Variants in ZFHX3 observed in about 807,000 individuals in gnomAD.
The protein encoded by ZFHX3 is zinc finger homeobox protein 3.
A neutral mutation model predicts 279.1 loss-of-function variants in ZFHX3; 42 were observed. The ratio of observed to expected loss-of-function variants is 0.15; its 90% CI spans 0.12 to 0.19. The LOEUF is 0.19. Among genes scored for constraint, ZFHX3 ranks in the 10% least tolerant of loss-of-function variants. The pLI is 1.00. For synonymous variants in ZFHX3, 2,293 were observed against 1,957.8 expected (o/e 1.17, Z -4.52); for missense variants, 4,981 against 4,754.0 (o/e 1.05, Z -1.40).
At chr16:73,528,070 C>G (rs2019725490) in intron 2 of ZFHX3, among the ~76,000 whole-genome samples, 1 of 152,234 alleles carries the variant, frequency 6.6e-6, no homozygotes, top group South Asian at 2.1e-4. Flanking sequence ...AACAATTCAA[C>G]TGCTCTACAT....
chr16:73,708,415 C>T (rs986505153), intron 1 of ZFHX3, among the ~76,000 whole-genome samples: 1 of 152,116 alleles, frequency 6.6e-6, no homozygotes, highest in Non-Finnish European at 1.5e-5. Context: ...TGTTGTATGA[C>T]ACAGGTTCAT....
chr16:73,818,986 C>A (rs1291035849), intron 1 of ZFHX3, among the ~76,000 whole-genome samples: 2 of 152,072 alleles, frequency 1.3e-5, no homozygotes, highest in African/African-American at 2.4e-5. Context: ...TAGATTGGTA[C>A]TTTTGTCTGG....
intron 9 of ZFHX3, among the ~76,000 whole-genome samples, chr16:72,792,458 C>T (rs990175859): frequency 1.3e-5 from 2 of 149,396 alleles, no homozygotes; most frequent in African/African-American, 2.5e-5. Flanking sequence ...TCTGGTAGTT[C>T]TTTTTTTTTT....
intron 3 of ZFHX3, among the ~76,000 whole-genome samples, chr16:72,904,414 A>G (rs1295896077): frequency 6.7e-6 from 1 of 149,082 alleles, no homozygotes; most frequent in Non-Finnish European, 1.5e-5. Flanking sequence ...AAATAAATAA[A>G]TAAATAAAAA....
chr16:73,196,334 G>A (rs1385897176), intron 5 of ZFHX3, among the ~76,000 whole-genome samples: 2 of 151,944 alleles, frequency 1.3e-5, no homozygotes, highest in East Asian at 1.9e-4. Flanking sequence ...ATAGGAGTGC[G>A]CAGAAATCAT....
intron 2 of ZFHX3, among the ~76,000 whole-genome samples, chr16:73,599,105 T>C (rs2052084022): frequency 6.6e-6 from 1 of 152,232 alleles, no homozygotes; most frequent in Non-Finnish European, 1.5e-5. Context: ...ACTATCATAG[T>C]TCTTACAGAG....
chr16:72,962,914 C>T (rs7190009), intron 1 of ZFHX3, among the ~76,000 whole-genome samples: 138,794 of 151,902 alleles, frequency 0.91, 63,703 homozygotes, highest in Middle Eastern at 0.97. Context: ...AAGAAGTCTC[C>T]CCAATCCGCC....
intron 3 of ZFHX3, among the ~76,000 whole-genome samples, chr16:73,355,017 G>A (rs1330658172): frequency 6.6e-6 from 1 of 152,186 alleles, no homozygotes; most frequent in African/African-American, 2.4e-5. Flanking sequence ...AAACCACAGA[G>A]AGAAAGAAAC....
chr16:73,134,329 C>T (rs1276988468), intron 6 of ZFHX3, among the ~76,000 whole-genome samples: 2 of 128,110 alleles, frequency 1.6e-5, no homozygotes, highest in Admixed American at 9.4e-5. Context: ...GTCTCCCCAC[C>T]TCTTTTTTTT....
intron 2 of ZFHX3, among the ~76,000 whole-genome samples, chr16:73,591,656 G>C (rs1330166298): frequency 8.5e-6 from 1 of 117,896 alleles, no homozygotes; most frequent in Non-Finnish European, 1.6e-5. Flanking sequence ...TCATGCCACT[G>C]CACTCCAGCC....
At chr16:72,903,644 C>G (rs2039095861) in intron 3 of ZFHX3, among the ~76,000 whole-genome samples, 1 of 152,058 alleles carries the variant, frequency 6.6e-6, no homozygotes, top group African/African-American at 2.4e-5. Flanking sequence ...AAAATAAAAC[C>G]AAAAGAACAC....
intron 2 of ZFHX3, among the ~76,000 whole-genome samples, chr16:73,480,726 T>C (rs2018851232): frequency 1.3e-5 from 2 of 152,150 alleles, no homozygotes; most frequent in Admixed American, 6.5e-5. Flanking sequence ...CTAAGCTTCA[T>C]GGGGAGATGT....
At chr16:73,862,075 G>C (rs1961895378) in intron 1 of ZFHX3, among the ~76,000 whole-genome samples, 1 of 152,142 alleles carries the variant, frequency 6.6e-6, no homozygotes. Flanking sequence ...TCTTTAGTTT[G>C]TTTAGGGAGA....
At chr16:73,265,748 G>C (rs1214768084) in intron 4 of ZFHX3, among the ~76,000 whole-genome samples, 1 of 152,068 alleles carries the variant, frequency 6.6e-6, no homozygotes, top group East Asian at 1.9e-4. Context: ...AGAAGATTCT[G>C]GGCATTTGTA....
chr16:73,189,166 C>T (rs1967977565), intron 5 of ZFHX3, among the ~76,000 whole-genome samples: 1 of 152,192 alleles, frequency 6.6e-6, no homozygotes, highest in African/African-American at 2.4e-5. Flanking sequence ...CCGCCCACAT[C>T]TGGGTATTTC....
intron 3 of ZFHX3, among the ~76,000 whole-genome samples, chr16:73,449,134 T>A (rs1323019029): frequency 6.6e-6 from 1 of 152,234 alleles, no homozygotes; most frequent in Non-Finnish European, 1.5e-5. Context: ...AAGGACAGTA[T>A]CCAGTACTGT....
At chr16:73,467,033 G>A (rs2018586048) in intron 2 of ZFHX3, among the ~76,000 whole-genome samples, 1 of 152,198 alleles carries the variant, frequency 6.6e-6, no homozygotes, top group African/African-American at 2.4e-5. Flanking sequence ...TGGGACAAAG[G>A]GAGGAAGGCT....
intron 5 of ZFHX3, among the ~76,000 whole-genome samples, chr16:73,147,947 A>G (rs1004624356): frequency 6.6e-6 from 1 of 152,196 alleles, no homozygotes; most frequent in African/African-American, 2.4e-5. Context: ...GTTGGATAAT[A>G]TATCTTCTCT....
chr16:73,094,772 C>T (rs1052769111), intron 7 of ZFHX3, among the ~76,000 whole-genome samples: 4 of 152,100 alleles, frequency 2.6e-5, no homozygotes, highest in Non-Finnish European at 4.4e-5. Context: ...TGCAGAGGTA[C>T]GAACTTGACT....
Sources: allele counts gnomAD v4.1 joint callset (sites outside exome capture counted in the v4.1 genomes callset), GRCh38; gene constraint gnomAD v4.1.1; transcripts MANE v1.5; gene names NCBI Gene and HGNC (gene_info 2026-07-23, HGNC 2026-07-21).